Variants in NTRK1 observed in about 807,000 individuals in gnomAD.
NTRK1 encodes high affinity nerve growth factor receptor.
Under a neutral mutation model 86.8 loss-of-function variants are expected in NTRK1, and 62 were observed. The ratio of observed to expected loss-of-function variants is 0.71; its 90% CI spans 0.58 to 0.88. The LOEUF is 0.88. NTRK1 is among the 40% of genes least tolerant of loss of function. The probability of loss-of-function intolerance (pLI) is 0.00; values close to 1 mark genes in which losing one functional copy is unlikely to be tolerated. For missense variants in NTRK1, 967 were observed against 1,078.4 expected (o/e 0.90, Z 1.45); for synonymous variants, 469 against 456.6 (o/e 1.03, Z -0.35).
At chr1:156,850,496 A>C in intron 2 of NTRK1, among the ~76,000 whole-genome samples, 2 of 139,446 alleles carry the variant, frequency 1.4e-5, no homozygotes, top group East Asian at 4.5e-4. Flanking sequence ...TACAGGCAGG[A>C]GCCACCGTGC....
chr1:156,816,336 G>T (rs1343522747), intron 1 of NTRK1, among the ~76,000 whole-genome samples: 1 of 152,208 alleles, frequency 6.6e-6, no homozygotes, highest in East Asian at 1.9e-4. Flanking sequence ...GGAGAGGCTG[G>T]GAGTCAGGCT....
chr1:156,846,243 C>G, intron 2 of NTRK1: 1 of 1,050,320 alleles, frequency 9.5e-7, no homozygotes, highest in Non-Finnish European at 1.3e-6. Context: ...GATCCTCACC[C>G]CTGGCTTCCT....
intron 2 of NTRK1, among the ~76,000 whole-genome samples, chr1:156,848,599 C>T (rs1655090384): frequency 6.6e-6 from 1 of 152,204 alleles, no homozygotes; most frequent in African/African-American, 2.4e-5. Flanking sequence ...GCTGCTGGGG[C>T]AGGAGCGTGT....
chr1:156,846,277 C>A (rs1655004843), intron 2 of NTRK1, among the ~76,000 whole-genome samples: 3 of 152,084 alleles, frequency 2.0e-5, no homozygotes, highest in Non-Finnish European at 4.4e-5. Context: ...TTGTTTCTGT[C>A]CTCCCCTTCT....
In NTRK1 at chr1:156,854,085, C is replaced by T. The variant is rs1655328251; in HGVS notation, c.51-10269C>T. ...AAGAGGCGCGTCCCGCGGATGACTG[C>T]TAGGTTGGGGAAGAGGTCGCGCAGG... On this transcript the variant is annotated intron_variant, in intron 2 of 16. Coordinates refer to the NTRK1 transcript ENST00000392302. This position sits in a 1 kb window ranked among gnomAD's most constrained non-coding sequence, Gnocchi z 4.2. The T allele has an allele frequency of 1.9e-6, 3 of 1,613,960 alleles. No individual in the cohort carries two copies. Among genetic ancestry groups the T allele is most frequent in the East Asian group, 2.2e-5 (1 of 44,902 alleles).
At chr1:156,868,764 G>T in intron 6 of NTRK1, 117 bp downstream of exon 6, 2 of 1,443,678 alleles carry the variant, frequency 1.4e-6, no homozygotes, top group Non-Finnish European at 1.9e-6. Flanking sequence ...GCACACTGAG[G>T]TTGAGGGACG....
chr1:156,851,960 G>T, intron 2 of NTRK1: 10 of 1,607,190 alleles, frequency 6.2e-6, no homozygotes, highest in Non-Finnish European at 8.5e-6. Context: ...GAAGGTGGAG[G>T]CACGGCCGGG....
intron 2 of NTRK1, among the ~76,000 whole-genome samples, chr1:156,850,529 ACATTCTTTTT>A (rs1333468586): frequency 8.4e-4 from 114 of 135,692 alleles, no homozygotes; most frequent in African/African-American, 3.2e-3. Context: ...GTAATTTAAA[ACATTCTTTTT>A]TTTTTTTTTT....
rs766923020 is a variant in NTRK1, at chr1:156,841,859, C to T, written c.-63-222C>T. 4 of 1,612,290 alleles carry T rather than the reference C, an allele frequency of 2.5e-6. No individual in the cohort carries two copies. In the African/African-American group the frequency reaches 4.0e-5, roughly 16 times the overall value. On this transcript the variant is annotated intron_variant, in intron 1 of 16. Coordinates refer to the NTRK1 transcript ENST00000392302. ...AAGAGCCACGCACTAGCTCCTGCCC[C>T]TGGGATACCTCTCCCAATCTTCTCA...
chr1:156,836,099 G>C (rs1017684537), intron 1 of NTRK1, among the ~76,000 whole-genome samples: 2 of 152,062 alleles, frequency 1.3e-5, no homozygotes, highest in African/African-American at 2.4e-5. Flanking sequence ...GTGTCTGTCA[G>C]CCCCCCTCCT....
At chr1:156,840,298 A>G (rs2644625) in intron 1 of NTRK1, 135,520 of 158,316 alleles carry the variant, frequency 0.86, 58,075 homozygotes, top group Middle Eastern at 0.89. Context: ...GGCAGGGCAA[A>G]AGGAGAGGAG....
At position 156,871,717 on chromosome 1, in the gene NTRK1, T is replaced by C. The variant is rs1242358987; in HGVS notation, c.812T>C (p.Val271Ala). The C allele has an allele frequency of 6.2e-7, 1 of 1,614,142 alleles. No individual in the cohort carries two copies. Among genetic ancestry groups the C allele is most frequent in the Non-Finnish European group, 8.5e-7 (1 of 1,180,010 alleles). Residue 271 changes from valine (V) to alanine (A), a missense_variant, in exon 7 of 17, where the codon GTG (valine) becomes GCG (alanine). This residue lies in a region of NTRK1 where 637 missense variants were observed against 776.5 expected (regional missense o/e 0.82). Coordinates refer to ENST00000524377, the MANE Select transcript of NTRK1 (RefSeq NM_002529.4). ...GTGACGTGCTGGGCAGAGAACGATG[T>C]GGGCCGGGCAGAGGTCTCTGTTCAG... ...KNVTCWAEND[V>A]GRAEVSVQVN... is the part of the protein sequence containing the mutation.
At chr1:156,845,317 C>G (rs759884417) in intron 2 of NTRK1, 1 of 1,610,948 alleles carries the variant, frequency 6.2e-7, no homozygotes, top group Non-Finnish European at 8.5e-7. Flanking sequence ...CGAGTCAGAG[C>G]CAAGGCCCAG....
chr1:156,850,230 G>T (rs1655153723), intron 2 of NTRK1, among the ~76,000 whole-genome samples: 1 of 151,872 alleles, frequency 6.6e-6, no homozygotes, highest in Non-Finnish European at 1.5e-5. Context: ...TGTATGTTTT[G>T]AGCTGGAGTC....
chr1:156,849,234 T>C (rs1391119583), intron 2 of NTRK1: 2 of 1,612,730 alleles, frequency 1.2e-6, no homozygotes, highest in Admixed American at 1.7e-5. Context: ...GGCACTGGGG[T>C]TGGGGTCTCA....
chr1:156,844,257 G>A (rs1654905123), intron 2 of NTRK1: 1 of 1,613,540 alleles, frequency 6.2e-7, no homozygotes, highest in Non-Finnish European at 8.5e-7. Flanking sequence ...AGGAGGACAT[G>A]CAGCCCCCCA....
At chr1:156,864,905 C>T (rs1655856498) in intron 3 of NTRK1, 106 bp downstream of exon 3, 1 of 1,166,724 alleles carries the variant, frequency 8.6e-7, no homozygotes, top group Non-Finnish European at 1.3e-6. Flanking sequence ...AGGGCCCAAG[C>T]CTGGTCAGGG....
rs140614913 is a variant in NTRK1 at position 156,870,095 on chromosome 1, T to A, written c.717+1448T>A. ...TCCTCCCTGCTCCAGAGAGCAAAGC[T>A]GCCTAGAGTGAGTAAAAGAAAGGGG... is the stretch of plus-strand genomic sequence containing the variant. On this transcript the variant is annotated intron_variant, in intron 6 of 16. Transcript: ENST00000524377. Among the ~76,000 whole-genome samples, 442 of 152,340 alleles carry A rather than the reference T, an allele frequency of 2.9e-3. 4 individuals carry two copies. Among genetic ancestry groups the A allele is most frequent in the Non-Finnish European group, 3.4e-3 (230 of 68,018 alleles).
chr1:156,869,976 T>C (rs1350726187), intron 6 of NTRK1, among the ~76,000 whole-genome samples: 1 of 152,190 alleles, frequency 6.6e-6, no homozygotes, highest in African/African-American at 2.4e-5. Context: ...CCAGAATTGC[T>C]GGAGGCCCCT....
Sources: allele counts gnomAD v4.1 joint callset (sites outside exome capture counted in the v4.1 genomes callset), GRCh38; gene constraint gnomAD v4.1.1; regional missense constraint gnomAD v4.1.1; non-coding constraint Gnocchi (gnomAD v3.1); transcripts MANE v1.5; gene names NCBI Gene and HGNC (gene_info 2026-07-23, HGNC 2026-07-21).